The following COMMD10 variants were observed in gnomAD, a reference collection of about 807,000 sequenced individuals.
COMMD10 encodes the protein COMM domain containing 10, also known as COMM domain-containing protein 10.
Under a neutral mutation model 28.9 loss-of-function variants are expected in COMMD10, and 33 were observed. That is an observed-to-expected ratio of 1.14 (90% CI 0.87 to 1.53). The LOEUF is 1.53. Ranked by LOEUF, COMMD10 falls within the 40% of genes most tolerant of loss-of-function variation. COMMD10 has a pLI of 0.00. For missense variants in COMMD10, 310 were observed against 233.4 expected, an observed-to-expected ratio of 1.33 and a Z score of -2.14; for synonymous variants, 110 against 81.7, an observed-to-expected ratio of 1.35 and a Z score of -1.87.
At chr5:116,137,199 A>G (rs1259377875) in intron 5 of COMMD10, among the ~76,000 whole-genome samples, 2 of 151,912 alleles carry the variant, frequency 1.3e-5, no homozygotes, top group Non-Finnish European at 2.9e-5. Context: ...TCCTTATGTT[A>G]ATTTTTATGT....
intron 5 of COMMD10, among the ~76,000 whole-genome samples, chr5:116,218,820 C>T (rs977211012): frequency 3.3e-5 from 5 of 152,076 alleles, no homozygotes; most frequent in African/African-American, 1.2e-4. Context: ...ACTGGAAAAT[C>T]CCAGTTAGCT....
At chr5:116,204,133 G>C (rs1748750321) in intron 5 of COMMD10, among the ~76,000 whole-genome samples, 1 of 151,982 alleles carries the variant, frequency 6.6e-6, no homozygotes, top group Admixed American at 6.6e-5. Context: ...AAGATCAAAA[G>C]AGACAAAGAA....
chr5:116,091,406 A>G (rs1750295498), intron 3 of COMMD10, among the ~76,000 whole-genome samples: 1 of 152,208 alleles, frequency 6.6e-6, no homozygotes, highest in Non-Finnish European at 1.5e-5. Flanking sequence ...GTTATACAAG[A>G]TTTTAATTCA....
intron 5 of COMMD10, among the ~76,000 whole-genome samples, chr5:116,223,132 T>C (rs1323413412): frequency 1.3e-5 from 2 of 152,184 alleles, no homozygotes; most frequent in Admixed American, 6.5e-5. Context: ...TTTCACTATA[T>C]TTTGCTGTCA....
chr5:116,157,845 T>TAACA (rs1195655004), intron 5 of COMMD10, among the ~76,000 whole-genome samples: 1 of 152,190 alleles, frequency 6.6e-6, no homozygotes, highest in African/African-American at 2.4e-5. Flanking sequence ...GAACTGCTAG[T>TAACA]AACAGTCTTT....
At chr5:116,193,819 C>G (rs936672185) in intron 5 of COMMD10, among the ~76,000 whole-genome samples, 2 of 152,092 alleles carry the variant, frequency 1.3e-5, no homozygotes, top group Non-Finnish European at 2.9e-5. Context: ...ATGGACTTAG[C>G]AGATACATGC....
chr5:116,173,950 A>G (rs1412291657), intron 5 of COMMD10, among the ~76,000 whole-genome samples: 2 of 151,766 alleles, frequency 1.3e-5, no homozygotes, highest in South Asian at 4.1e-4. Flanking sequence ...GCCATGTGCC[A>G]TATACTTCCA....
chr5:116,251,293 TA>T (rs1442740838), intron 5 of COMMD10, among the ~76,000 whole-genome samples: 57 of 149,282 alleles, frequency 3.8e-4, no homozygotes, highest in East Asian at 1.4e-3. Context: ...TTTATTTATT[TA>T]TTTATTTATT....
intron 5 of COMMD10, among the ~76,000 whole-genome samples, chr5:116,182,609 T>G (rs1387307132): frequency 6.6e-6 from 1 of 152,074 alleles, no homozygotes; most frequent in Non-Finnish European, 1.5e-5. Flanking sequence ...AGGTTATTAA[T>G]TAAGAGGAAA....
chr5:116,142,750 C>T (rs1461526466), intron 5 of COMMD10, among the ~76,000 whole-genome samples: 1 of 151,780 alleles, frequency 6.6e-6, no homozygotes, highest in South Asian at 2.1e-4. Flanking sequence ...ACAAATTAAA[C>T]AAGCTTTTGT....
chr5:116,163,433 A>G (rs1255363948), intron 5 of COMMD10, among the ~76,000 whole-genome samples: 3 of 149,884 alleles, frequency 2.0e-5, no homozygotes, highest in Non-Finnish European at 4.4e-5. Context: ...TAAAAAAAAA[A>G]AAAAAAAAAA....
At chr5:116,186,170 TTATTGGTTCAGCTGCAA>T (rs1351056572) in intron 5 of COMMD10, among the ~76,000 whole-genome samples, 1 of 152,154 alleles carries the variant, frequency 6.6e-6, no homozygotes, top group African/African-American at 2.4e-5. Context: ...ATTAATCAAC[TTATTGGTTCAGCTGCAA>T]CTCTGTTTCT....
At chr5:116,095,422 T>G (rs1321255305) in intron 4 of COMMD10, among the ~76,000 whole-genome samples, 1 of 152,240 alleles carries the variant, frequency 6.6e-6, no homozygotes, top group Non-Finnish European at 1.5e-5. Context: ...TTTGGTAGAT[T>G]AAGTGTATTA....
chr5:116,205,747 A>G (rs1460318657), intron 5 of COMMD10, among the ~76,000 whole-genome samples: 1 of 152,180 alleles, frequency 6.6e-6, no homozygotes, highest in Non-Finnish European at 1.5e-5. Context: ...CTTTTAAGAA[A>G]TAAGTTGTTA....
intron 4 of COMMD10, among the ~76,000 whole-genome samples, chr5:116,129,133 C>A (rs1441419203): frequency 6.6e-6 from 1 of 151,666 alleles, no homozygotes; most frequent in Admixed American, 6.6e-5. Context: ...GATTGAACTT[C>A]TTGTAACTTT....
chr5:116,096,009 G>C (rs903034053), intron 4 of COMMD10, among the ~76,000 whole-genome samples: 19 of 152,102 alleles, frequency 1.2e-4, no homozygotes, highest in African/African-American at 4.3e-4. Flanking sequence ...AATTATTATA[G>C]CTTAATAGTA....
intron 5 of COMMD10, among the ~76,000 whole-genome samples, chr5:116,151,372 A>T (rs956109659): frequency 6.6e-6 from 1 of 152,104 alleles, no homozygotes; most frequent in Non-Finnish European, 1.5e-5. Context: ...TGCTGGCCTC[A>T]TAAAATGAGT....
chr5:116,238,690 A>G (rs549621554), intron 5 of COMMD10, among the ~76,000 whole-genome samples: 25 of 152,168 alleles, frequency 1.6e-4, no homozygotes, highest in Non-Finnish European at 2.8e-4. Context: ...ATAAAAATCT[A>G]TTTCTACTGG....
chr5:116,175,904 A>G (rs1378749374), intron 5 of COMMD10, among the ~76,000 whole-genome samples: 3 of 152,128 alleles, frequency 2.0e-5, no homozygotes, highest in Non-Finnish European at 4.4e-5. Context: ...TTTAATGGGT[A>G]CAGAGCTTCA....
Sources: gnomAD v4.1 joint callset for allele counts (sites outside exome capture counted in the v4.1 genomes callset) on GRCh38, gnomAD v4.1.1 for gene constraint, MANE v1.5 for transcripts, NCBI Gene and HGNC (gene_info 2026-07-23, HGNC 2026-07-21) for gene names.